Variants in RFTN2 observed in about 807,000 individuals in gnomAD.
The protein encoded by RFTN2 is raftlin family member 2.
In RFTN2, 34 loss-of-function variants were observed where a neutral mutation model predicts 52.7. The ratio of observed to expected loss-of-function variants is 0.64; its 90% CI spans 0.49 to 0.86. The LOEUF (loss-of-function observed/expected upper bound fraction) is 0.86, where lower values mean the gene tolerates loss of function less well. Among genes scored for constraint, RFTN2 ranks in the 40% least tolerant of loss-of-function variants. The pLI is 0.00. For missense variants in RFTN2, 536 were observed against 600.1 expected (o/e 0.89, Z 1.12); for synonymous variants, 203 against 217.7 (o/e 0.93, Z 0.59).
In RFTN2 at chr2:197,656,068, G is replaced by A. The variant is rs11900719; in HGVS notation, c.140-9402C>T. Among the ~76,000 whole-genome samples, 749 of 152,244 alleles carry A rather than the reference G, an allele frequency of 4.9e-3. 9 individuals are homozygous for A. Among genetic ancestry groups the A allele is most frequent in the African/African-American group, 0.016 (664 of 41,524 alleles). ...AGCTCCAGGGTACTCATGGAGCAGT[G>A]GTTTAGGCCATAGACTCCAGCACCA... On this transcript the variant is annotated intron_variant, in intron 1 of 8. Transcript: ENST00000295049.
chr2:197,640,033 C>T (rs1295993086), intron 3 of RFTN2, among the ~76,000 whole-genome samples: 1 of 152,226 alleles, frequency 6.6e-6, no homozygotes, highest in Non-Finnish European at 1.5e-5. Flanking sequence ...CTGGGGGTGC[C>T]TCCCAGTTAG....
intron 8 of RFTN2, among the ~76,000 whole-genome samples, chr2:197,584,181 G>A (rs1254845754): frequency 1.3e-5 from 2 of 152,022 alleles, no homozygotes; most frequent in Non-Finnish European, 2.9e-5. Context: ...TTCTAGTTCT[G>A]GATCCCTGAG....
At chr2:197,601,515 C>T (rs1474342381) in intron 7 of RFTN2, among the ~76,000 whole-genome samples, 1 of 151,930 alleles carries the variant, frequency 6.6e-6, no homozygotes, top group Non-Finnish European at 1.5e-5. Context: ...AGACCTTTGT[C>T]TTGGGTCTCC....
intron 8 of RFTN2, among the ~76,000 whole-genome samples, chr2:197,580,095 G>A (rs576590189): frequency 2.6e-5 from 4 of 151,778 alleles, no homozygotes; most frequent in Non-Finnish European, 4.4e-5. Flanking sequence ...ATGCTTTACC[G>A]CCCTAGACCC....
At chr2:197,580,673 C>A (rs533305389) in intron 8 of RFTN2, among the ~76,000 whole-genome samples, 1 of 152,194 alleles carries the variant, frequency 6.6e-6, no homozygotes, top group Non-Finnish European at 1.5e-5. Context: ...TAAATCCATC[C>A]TCTTCTTAAT....
intron 7 of RFTN2, 42 bp downstream of exon 7, chr2:197,615,834 A>T (rs780532643): frequency 8.1e-6 from 8 of 987,786 alleles, no homozygotes; most frequent in Admixed American, 6.5e-5. Context: ...GAAGTTATAT[A>T]TTAGAATTAA....
intron 1 of RFTN2, among the ~76,000 whole-genome samples, chr2:197,654,445 A>C (rs765245810): frequency 6.6e-6 from 1 of 152,130 alleles, no homozygotes; most frequent in Non-Finnish European, 1.5e-5. Context: ...TAGCCATTAG[A>C]GGGGTGTTAA....
intron 5 of RFTN2, among the ~76,000 whole-genome samples, chr2:197,629,935 G>C (rs59021472): frequency 0.021 from 3,222 of 152,070 alleles, 106 homozygotes; most frequent in African/African-American, 0.075. Context: ...TATTGCCCAG[G>C]CTAGTCTCGA....
At chr2:197,583,527 T>A (rs1439072864) in intron 8 of RFTN2, among the ~76,000 whole-genome samples, 1 of 151,992 alleles carries the variant, frequency 6.6e-6, no homozygotes, top group Non-Finnish European at 1.5e-5. Flanking sequence ...CCCTTTACCA[T>A]CCTCAGTCTT....
chr2:197,662,361 T>A (rs1287082084), intron 1 of RFTN2, among the ~76,000 whole-genome samples: 1 of 152,204 alleles, frequency 6.6e-6, no homozygotes, highest in Non-Finnish European at 1.5e-5. Flanking sequence ...GGATATCCAT[T>A]TATTGAAGAG....
At chr2:197,656,720 C>T (rs769972613) in intron 1 of RFTN2, among the ~76,000 whole-genome samples, 6 of 152,162 alleles carry the variant, frequency 3.9e-5, no homozygotes, top group Non-Finnish European at 7.3e-5. Context: ...GTCTCTAACT[C>T]ACTTTCTAGA....
chr2:197,606,352 AT>A (rs764823047), intron 7 of RFTN2, among the ~76,000 whole-genome samples: 5 of 152,226 alleles, frequency 3.3e-5, no homozygotes, highest in Non-Finnish European at 7.3e-5. Context: ...CAGAAAGAAC[AT>A]TCTTGTTAAA....
intron 5 of RFTN2, among the ~76,000 whole-genome samples, chr2:197,627,783 G>A (rs1418354676): frequency 6.6e-6 from 1 of 152,146 alleles, no homozygotes; most frequent in Non-Finnish European, 1.5e-5. Flanking sequence ...GGCTGTTAGA[G>A]TGAGTGTGGA....
chr2:197,616,309 A>ATTTATTTTATTTT (rs1553601950), intron 6 of RFTN2, among the ~76,000 whole-genome samples: 5,354 of 125,062 alleles, frequency 0.043, 581 homozygotes, highest in African/African-American at 0.15. Context: ...ATTTTATTTT[A>ATTTATTTTATTTT]AAGAGAGGGT....
chr2:197,615,957 T>C lies in RFTN2; in HGVS notation c.1073A>G (p.Tyr358Cys). Residue 358 changes from tyrosine (Y) to cysteine (C), a missense_variant, in exon 7 of 9, where the codon TAT (tyrosine) becomes TGT (cysteine). By Grantham distance (194) the Tyr-to-Cys change is radical. Coordinates refer to ENST00000295049, the MANE Select transcript of RFTN2 (RefSeq NM_144629.3). Reference sequence around the variant, plus strand: ...AGCCAGAGTGTGCAGCAGAGGGCCATAATCTGTTTTGATTTCACATCCCTG... The same window carrying C: ...AGCCAGAGTGTGCAGCAGAGGGCCACAATCTGTTTTGATTTCACATCCCTG... ...VIEGCEIKTD[Y>C]GPLLHTLAEF... 1.3e-6 allele frequency: 2 copies of C among 1,555,904 alleles called. No homozygotes were observed. Among genetic ancestry groups the C allele is most frequent in the Non-Finnish European group, 1.7e-6 (2 of 1,148,098 alleles).
At chr2:197,617,722 A>T (rs947739759) in intron 6 of RFTN2, 78 bp downstream of exon 6, 58 of 584,430 alleles carry the variant, frequency 9.9e-5, no homozygotes, top group African/African-American at 9.3e-4. Context: ...CAAATGAAAA[A>T]CCCAAACCAA....
At chr2:197,629,080 C>T (rs1178588170) in intron 5 of RFTN2, among the ~76,000 whole-genome samples, 2 of 152,190 alleles carry the variant, frequency 1.3e-5, no homozygotes, top group African/African-American at 2.4e-5. Flanking sequence ...TTTGACCCAG[C>T]CATCCCATTA....
intron 1 of RFTN2, among the ~76,000 whole-genome samples, chr2:197,665,889 G>A (rs1044945064): frequency 1.3e-5 from 2 of 151,980 alleles, no homozygotes; most frequent in Admixed American, 1.3e-4. Context: ...TTCTGTAGTG[G>A]TGCTATTTGA....
Position 197,655,929 on chromosome 2 carries a change from A to T in RFTN2, c.140-9263T>A, listed in dbSNP as rs150952036. 7.6e-4 allele frequency among the ~76,000 whole-genome samples: 116 copies of T among 152,342 alleles called. No individual in the cohort carries two copies. In the East Asian group the frequency reaches 0.022, roughly 28 times the overall value. On this transcript the variant is annotated intron_variant, in intron 1 of 8. Coordinates refer to ENST00000295049, the MANE Select transcript of RFTN2 (RefSeq NM_144629.3). ...CCTATCTGGAGGTCAATGTCTTTTGATAAAACTGTAGCACCCAGCACAGAG... is the reference window on the plus strand; with the variant it reads ...CCTATCTGGAGGTCAATGTCTTTTGTTAAAACTGTAGCACCCAGCACAGAG...
Sources: allele counts gnomAD v4.1 joint callset (sites outside exome capture counted in the v4.1 genomes callset), GRCh38; gene constraint gnomAD v4.1.1; transcripts MANE v1.5; gene names NCBI Gene and HGNC (gene_info 2026-07-23, HGNC 2026-07-21).